FILIP1: variants seen among roughly 807,000 people sequenced by gnomAD.
FILIP1 encodes filamin-A-interacting protein 1.
A neutral mutation model predicts 102.1 loss-of-function variants in FILIP1; 61 were observed. That is an observed-to-expected ratio of 0.60 (90% CI 0.49 to 0.74). The LOEUF (loss-of-function observed/expected upper bound fraction) is 0.74. FILIP1 is among the 30% of genes least tolerant of loss of function. FILIP1 has a pLI of 0.00. For synonymous variants in FILIP1, 491 were observed against 526.9 expected, an observed-to-expected ratio of 0.93 and a Z score of 0.93; for missense variants, 1,314 against 1,441.2, an observed-to-expected ratio of 0.91 and a Z score of 1.43.
At chr6:75,473,838 G>A (rs995414759) in intron 1 of FILIP1, 1 of 152,132 alleles carries the variant, frequency 6.6e-6, no homozygotes, top group Non-Finnish European at 1.5e-5. Flanking sequence ...AGAGTGCAAT[G>A]GATGAGCCTC....
chr6:75,302,803 GATGATATGAT>G (rs1166537005), intron 6 of FILIP1, among the ~76,000 whole-genome samples: 1 of 137,828 alleles, frequency 7.3e-6, no homozygotes, highest in African/African-American at 2.7e-5. Flanking sequence ...AAATAGAGAT[GATGATATGAT>G]ATGATATGAC....
chr6:75,371,035 T>G (rs1775501756), intron 2 of FILIP1, among the ~76,000 whole-genome samples: 1 of 152,232 alleles, frequency 6.6e-6, no homozygotes, highest in Non-Finnish European at 1.5e-5. Flanking sequence ...AATACTAATA[T>G]TATAAACAGA....
intron 4 of FILIP1, among the ~76,000 whole-genome samples, chr6:75,324,152 C>T (rs1426890200): frequency 6.6e-6 from 1 of 152,026 alleles, no homozygotes; most frequent in Non-Finnish European, 1.5e-5. Flanking sequence ...ATCCTAAAGA[C>T]TCATCCAGAA....
intron 4 of FILIP1, among the ~76,000 whole-genome samples, chr6:75,334,276 T>C (rs886162668): frequency 6.6e-6 from 1 of 152,260 alleles, no homozygotes; most frequent in Non-Finnish European, 1.5e-5. Flanking sequence ...TTCTGTAGGA[T>C]GAAATTACTT....
chr6:75,334,016 T>C (rs1023992174), intron 4 of FILIP1, among the ~76,000 whole-genome samples: 1 of 152,194 alleles, frequency 6.6e-6, no homozygotes, highest in Non-Finnish European at 1.5e-5. Context: ...TGCCAACTTT[T>C]ACAAGCCTTT....
chr6:75,380,318 A>ATAGTTCACT (rs1243715544), intron 2 of FILIP1, among the ~76,000 whole-genome samples: 14 of 149,570 alleles, frequency 9.4e-5, no homozygotes, highest in Non-Finnish European at 4.5e-5. Context: ...GCTCAAAAGA[A>ATAGTTCACT]AAATGCCTGA....
Position 75,362,849 on chromosome 6 carries a change from G to A in FILIP1, c.345C>T (p.Tyr115=), listed in dbSNP as rs751736039. The A allele has an allele frequency of 8.7e-6, 14 of 1,613,882 alleles. No homozygotes were observed. The highest frequency in any genetic ancestry group is 3.3e-4 in the Middle Eastern group (2 of 6,062). The change falls in exon 3 of 6, where the codon TAC becomes TAT. Residue 115 remains tyrosine, a synonymous_variant. Transcript: ENST00000237172. The part of the protein sequence containing the change: ...KTKPEVLEAH[Y]GSAEPEKVLR... ...GCACTTTCTCTGGCTCCGCAGACCCGTAATGAGCCTCCAGAACCTCAGGCT... is the reference window on the plus strand; with the variant it reads ...GCACTTTCTCTGGCTCCGCAGACCCATAATGAGCCTCCAGAACCTCAGGCT...
chr6:75,384,827 T>C (rs1337760937), intron 2 of FILIP1: 2 of 150,964 alleles, frequency 1.3e-5, no homozygotes, highest in Non-Finnish European at 2.9e-5. Flanking sequence ...CAGGGTCTTG[T>C]TCTGTTGCCC....
Position 75,353,591 on chromosome 6 carries a change from A to G in FILIP1, c.577T>C (p.Tyr193His). 6.2e-7 allele frequency: 1 copy of G among 1,614,176 alleles called. No homozygotes were observed. Among genetic ancestry groups the G allele is most frequent in the Non-Finnish European group, 8.5e-7 (1 of 1,180,044 alleles). Residue 193 changes from tyrosine (Y) to histidine (H), a missense_variant, in exon 4 of 6, where the codon TAC (tyrosine) becomes CAC (histidine). Coordinates refer to ENST00000237172, the MANE Select transcript of FILIP1 (RefSeq NM_015687.5). ...LENEKHKHTD[Y>H]MNKSDDFTNL... The stretch of plus-strand genomic sequence containing the variant: ...GTGAAGTCGTCGCTCTTGTTCATGT[A>G]GTCAGTGTGTTTATGCTTCTCGTTC...
intron 2 of FILIP1, chr6:75,386,459 A>G (rs942431040): frequency 1.3e-5 from 2 of 152,160 alleles, no homozygotes. Context: ...GCCACTCTTC[A>G]CTTGCTTAAT....
chr6:75,459,771 C>A (rs1027094607), intron 1 of FILIP1, among the ~76,000 whole-genome samples: 1 of 152,108 alleles, frequency 6.6e-6, no homozygotes, highest in Non-Finnish European at 1.5e-5. Flanking sequence ...AAATATATTT[C>A]TTGTATCTTG....
chr6:75,476,718 T>C (rs1345060591), intron 1 of FILIP1, among the ~76,000 whole-genome samples: 1 of 152,210 alleles, frequency 6.6e-6, no homozygotes, highest in East Asian at 1.9e-4. Flanking sequence ...TCTTAGTATA[T>C]TGAGCACCCT....
At chr6:75,339,874 G>A (rs1258963468) in intron 4 of FILIP1, among the ~76,000 whole-genome samples, 1 of 151,212 alleles carries the variant, frequency 6.6e-6, no homozygotes, top group Non-Finnish European at 1.5e-5. Flanking sequence ...CTTGAACCTG[G>A]GAGGCAGAGG....
At chr6:75,395,658 T>G (rs1180816434) in intron 2 of FILIP1, among the ~76,000 whole-genome samples, 1 of 152,206 alleles carries the variant, frequency 6.6e-6, no homozygotes, top group African/African-American at 2.4e-5. Context: ...AGTTTACTAC[T>G]GAATTAGAGC....
intron 1 of FILIP1, among the ~76,000 whole-genome samples, chr6:75,424,726 T>C (rs1485693823): frequency 1.3e-5 from 2 of 152,148 alleles, no homozygotes; most frequent in African/African-American, 4.8e-5. Flanking sequence ...CAAATCCCAG[T>C]TGATGGTCAA....
At chr6:75,485,589 C>A (rs771131711) in intron 1 of FILIP1, among the ~76,000 whole-genome samples, 1 of 152,136 alleles carries the variant, frequency 6.6e-6, no homozygotes, top group Non-Finnish European at 1.5e-5. Context: ...ATTATCTGCT[C>A]CATCGAAGTT....
intron 1 of FILIP1, among the ~76,000 whole-genome samples, chr6:75,467,881 T>C (rs1169009847): frequency 1.3e-5 from 2 of 152,128 alleles, no homozygotes; most frequent in African/African-American, 4.8e-5. Flanking sequence ...CAGACAGTGT[T>C]TGTTACAGGA....
At chr6:75,398,540 G>A (rs573213841) in intron 2 of FILIP1, among the ~76,000 whole-genome samples, 34 of 152,236 alleles carry the variant, frequency 2.2e-4, no homozygotes, top group African/African-American at 7.0e-4. Context: ...AGAAGGGGCC[G>A]TCTGTATCTA....
At chr6:75,450,722 G>A (rs1189537007) in intron 1 of FILIP1, among the ~76,000 whole-genome samples, 3 of 151,314 alleles carry the variant, frequency 2.0e-5, no homozygotes, top group Admixed American at 1.3e-4. Flanking sequence ...TTGGGAGGCC[G>A]AGGCAGGAAG....
Sources: gnomAD v4.1 joint callset for allele counts (sites outside exome capture counted in the v4.1 genomes callset) on GRCh38, gnomAD v4.1.1 for gene constraint, MANE v1.5 for transcripts, NCBI Gene and HGNC (gene_info 2026-07-23, HGNC 2026-07-21) for gene names.